PTP4A3: variants seen among roughly 807,000 people sequenced by gnomAD.
The protein encoded by PTP4A3 is protein tyrosine phosphatase type IVA 3.
PTP4A3 carries 9 observed loss-of-function variants against 15.2 expected under a neutral mutation model. The ratio of observed to expected loss-of-function variants is 0.59; its 90% CI spans 0.36 to 1.03. The LOEUF (loss-of-function observed/expected upper bound fraction) is 1.03, where lower values mean the gene tolerates loss of function less well. Among genes scored for constraint, PTP4A3 ranks in the 50% least tolerant of loss-of-function variants. PTP4A3 has a pLI of 0.02. For synonymous variants in PTP4A3, 95 were observed against 102.0 expected, an observed-to-expected ratio of 0.93 and a Z score of 0.41; for missense variants, 234 against 252.1, an observed-to-expected ratio of 0.93 and a Z score of 0.49.
rs1327625228 is a variant in PTP4A3, at chr8:141,425,623, T to TG, written c.198+490dup. Among the ~76,000 whole-genome samples, 24 of 76,988 alleles carry TG rather than the reference T, an allele frequency of 3.1e-4. No individual in the cohort carries two copies. Among genetic ancestry groups the TG allele is most frequent in the Non-Finnish European group, 4.7e-4 (18 of 38,018 alleles). 50.5% of individuals were successfully genotyped at this position (76,988 alleles called of 152,430 possible). On this transcript the variant is annotated intron_variant, in intron 3 of 5. Transcript: ENST00000521578. The surrounding 1 kb of genome is among the most constrained non-coding windows in gnomAD (Gnocchi z 4.2). ...TGGGGCGGTTCTGCTGCGATATCCT[T>TG]GGGGGGGTGGGCCACAGCAGCTGCA...
chr8:141,412,392 G>A (rs946193365), intron 1 of PTP4A3, among the ~76,000 whole-genome samples: 3 of 152,202 alleles, frequency 2.0e-5, no homozygotes, highest in African/African-American at 7.2e-5. Context: ...CCTGCTAGAG[G>A]GCAGAACTCC....
Position 141,421,382 on chromosome 8 carries a change from C to T in PTP4A3, c.-853-6C>T, listed in dbSNP as rs1833321599. 6.6e-6 allele frequency: 1 copy of T among 152,316 alleles called. No individual in the cohort carries two copies. The highest frequency in any genetic ancestry group is 2.4e-5 in the African/African-American group (1 of 41,458). The allele number at this position is 152,316 out of a possible 1,614,324, so 9.4% of individuals were successfully genotyped here. A position where few individuals can be genotyped will look rare whatever the true frequency, so the allele number is the denominator to read the frequency against. On this transcript the variant is annotated splice_polypyrimidine_tract_variant and splice_region_variant and intron_variant, in intron 1 of 5. Transcript: ENST00000521578. The stretch of plus-strand genomic sequence containing the variant: ...TTCTATTCATTTCCTTCGTCTTTCC[C>T]CACAGATGCTGTGTGCTGTGGACCC...
rs1480540732 is a variant in PTP4A3 at position 141,421,940 on chromosome 8, G to A, written c.-301G>A. The A allele has an allele frequency of 7.5e-6, 3 of 401,874 alleles. No homozygotes were observed. The highest frequency in any genetic ancestry group is 1.3e-5 in the Non-Finnish European group (3 of 225,204). 24.9% of individuals were successfully genotyped at this position (401,874 alleles called of 1,614,324 possible). On this transcript the variant is annotated 5_prime_UTR_variant, in exon 2 of 6. Coordinates refer to ENST00000521578, the MANE Select transcript of PTP4A3 (RefSeq NM_032611.3). Reference sequence around the variant, plus strand: ...CAGCTCTGAGAGACGGGAGTTTGGAGTTGCCCGCTTTACTTTGGTTGGGTT... The same window carrying A: ...CAGCTCTGAGAGACGGGAGTTTGGAATTGCCCGCTTTACTTTGGTTGGGTT...
chr8:141,410,755 C>T (rs1293454979), intron 1 of PTP4A3, among the ~76,000 whole-genome samples: 1 of 152,176 alleles, frequency 6.6e-6, no homozygotes, highest in Non-Finnish European at 1.5e-5. Context: ...ACCCATCACA[C>T]AGCTCACAAT....
chr8:141,404,708 G>T (rs1257211576), intron 1 of PTP4A3, among the ~76,000 whole-genome samples: 6 of 152,176 alleles, frequency 3.9e-5, no homozygotes, highest in Non-Finnish European at 1.5e-5. Context: ...AGAGGCAGGG[G>T]CTCCATCCTC....
intron 1 of PTP4A3, among the ~76,000 whole-genome samples, chr8:141,401,473 G>T (rs1832588162): frequency 6.6e-6 from 1 of 152,192 alleles, no homozygotes; most frequent in African/African-American, 2.4e-5. Flanking sequence ...CATGTCGGAG[G>T]CTCCGAGAGG....
At chr8:141,428,043 C>G (rs1011314946) in intron 5 of PTP4A3, among the ~76,000 whole-genome samples, 1 of 151,962 alleles carries the variant, frequency 6.6e-6, no homozygotes, top group Non-Finnish European at 1.5e-5. Context: ...AGGGACACAG[C>G]GAGGCCACCC....
chr8:141,406,810 G>C lies in PTP4A3; in HGVS notation c.-853-14578G>C, dbSNP rs774856412. ...GGCACTTCGCCCTGAATCCTCCTCTGAGCCGGCTTTGCCTCCTGCTGTTCC... is the reference window on the plus strand; with the variant it reads ...GGCACTTCGCCCTGAATCCTCCTCTCAGCCGGCTTTGCCTCCTGCTGTTCC... On this transcript the variant is annotated intron_variant, in intron 1 of 5. Transcript: ENST00000521578. The surrounding 1 kb of genome is among the most constrained non-coding windows in gnomAD (Gnocchi z 4.5). 7.2e-5 allele frequency among the ~76,000 whole-genome samples: 11 copies of C among 152,168 alleles called. No individual in the cohort carries two copies. The highest frequency in any genetic ancestry group is 1.5e-4 in the Non-Finnish European group (10 of 68,030).
chr8:141,396,460 A>G (rs1047167324), intron 1 of PTP4A3, among the ~76,000 whole-genome samples: 3 of 152,136 alleles, frequency 2.0e-5, no homozygotes, highest in African/African-American at 7.2e-5. Flanking sequence ...GCTCCAGGTC[A>G]TCAGGTGGTA....
chr8:141,397,831 G>A (rs962473318), intron 1 of PTP4A3, among the ~76,000 whole-genome samples: 9 of 152,378 alleles, frequency 5.9e-5, no homozygotes, highest in Admixed American at 4.6e-4. Context: ...GTTGGGCATT[G>A]CTCCTCCTGC....
chr8:141,419,836 C>T (rs1211142296), intron 1 of PTP4A3, among the ~76,000 whole-genome samples: 4 of 152,278 alleles, frequency 2.6e-5, no homozygotes, highest in South Asian at 4.1e-4. Flanking sequence ...GCCTTGGCCT[C>T]CCAAAATGCT....
chr8:141,396,187 C>A (rs1832447156), intron 1 of PTP4A3, among the ~76,000 whole-genome samples: 1 of 152,184 alleles, frequency 6.6e-6, no homozygotes, highest in South Asian at 2.1e-4. Context: ...TTGGTCAGGA[C>A]CGTGATGGAC....
intron 1 of PTP4A3, among the ~76,000 whole-genome samples, chr8:141,411,265 T>C (rs2129943222): frequency 6.6e-6 from 1 of 152,328 alleles, no homozygotes; most frequent in East Asian, 1.9e-4. Flanking sequence ...TGGTGGCCTG[T>C]AAAAGCCAGT....
chr8:141,426,577 G>A (rs1445659305), intron 3 of PTP4A3: 7 of 985,448 alleles, frequency 7.1e-6, no homozygotes, highest in Non-Finnish European at 8.4e-6. Context: ...GGCTGCCACC[G>A]GCACACAGGC....
chr8:141,403,088 G>A (rs141598866), intron 1 of PTP4A3, among the ~76,000 whole-genome samples: 7 of 152,298 alleles, frequency 4.6e-5, no homozygotes, highest in Non-Finnish European at 1.0e-4. Context: ...AGGGAGTGAC[G>A]GGACTTAGGG....
intron 3 of PTP4A3, among the ~76,000 whole-genome samples, chr8:141,426,168 C>T (rs992740763): frequency 2.6e-5 from 4 of 152,124 alleles, no homozygotes; most frequent in East Asian, 1.9e-4. Flanking sequence ...GTGGGCCCAG[C>T]GGGCTCTCCC....
At position 141,425,278 on chromosome 8, in the gene PTP4A3, G is replaced by C; in HGVS notation, c.198+138G>C. ...ATGTCTGTGCCTGGGCCACGTGTGT[G>C]TCTGGGTACATCAAGGGAAGGCCAG... On this transcript the variant is annotated intron_variant, in intron 3 of 5. Transcript: ENST00000521578. This position sits in a 1 kb window ranked among gnomAD's most constrained non-coding sequence, Gnocchi z 4.2. 1.2e-6 allele frequency: 1 copy of C among 855,062 alleles called. No homozygotes were observed. The highest frequency in any genetic ancestry group is 1.8e-6 in the Non-Finnish European group (1 of 546,216). 53.0% of individuals were successfully genotyped at this position (855,062 alleles called of 1,614,324 possible).
At chr8:141,417,289 G>A (rs943632696) in intron 1 of PTP4A3, among the ~76,000 whole-genome samples, 2 of 152,176 alleles carry the variant, frequency 1.3e-5, no homozygotes, top group African/African-American at 4.8e-5. Flanking sequence ...AGTACGCTAG[G>A]AGAGACCAGC....
chr8:141,394,736 C>T (rs1454341033), intron 1 of PTP4A3, among the ~76,000 whole-genome samples: 1 of 152,224 alleles, frequency 6.6e-6, no homozygotes, highest in Admixed American at 6.5e-5. Flanking sequence ...TGGACCGGCT[C>T]GCAGGACCCA....
Sources: gnomAD v4.1 joint callset for allele counts (sites outside exome capture counted in the v4.1 genomes callset) on GRCh38, gnomAD v4.1.1 for gene constraint, Gnocchi (gnomAD v3.1) non-coding constraint, MANE v1.5 for transcripts, NCBI Gene and HGNC (gene_info 2026-07-23, HGNC 2026-07-21) for gene names.